The following ASCC1 variants were observed in gnomAD, a reference collection of about 807,000 sequenced individuals.
The protein encoded by ASCC1 is ASC-1 complex subunit P50.
Under a neutral mutation model 46.6 loss-of-function variants are expected in ASCC1, and 35 were observed. The ratio of observed to expected loss-of-function variants is 0.75; its 90% CI spans 0.57 to 0.99. ASCC1 has a LOEUF of 0.99. Among genes scored for constraint, ASCC1 ranks in the 50% least tolerant of loss-of-function variants. ASCC1 has a pLI of 0.00. For synonymous variants in ASCC1, 143 were observed against 146.6 expected, an observed-to-expected ratio of 0.98 and a Z score of 0.18; for missense variants, 376 against 428.7, an observed-to-expected ratio of 0.88 and a Z score of 1.09.
chr10:72,213,590 G>A (rs1311837304), intron 1 of ASCC1, among the ~76,000 whole-genome samples: 1 of 148,748 alleles, frequency 6.7e-6, no homozygotes, highest in Non-Finnish European at 1.5e-5. Context: ...TGATTAAAAG[G>A]CATACACTCT....
In ASCC1 at chr10:72,135,990, GA is replaced by G. The variant is rs528050562; in HGVS notation, c.747-2810del. On this transcript the variant is annotated intron_variant, in intron 7 of 9. Transcript: ENST00000672957. The stretch of plus-strand genomic sequence containing the variant: ...TGGACTCTTACTTGGTAAGCCATAG[GA>G]AACCGAGGGTTGTTTTTTGTTGTTG... Among the ~76,000 whole-genome samples, 9 of 152,268 alleles carry G rather than the reference GA, an allele frequency of 5.9e-5. No individual in the cohort carries two copies. In the East Asian group the frequency reaches 1.7e-3, roughly 29 times the overall value.
At chr10:72,135,222 T>C (rs1846042404) in intron 7 of ASCC1, among the ~76,000 whole-genome samples, 1 of 152,072 alleles carries the variant, frequency 6.6e-6, no homozygotes, top group African/African-American at 2.4e-5. Flanking sequence ...AACACAGCAG[T>C]GAACAAAACA....
At position 72,141,423 on chromosome 10, in the gene ASCC1, A is replaced by G. The variant is rs117954650; in HGVS notation, c.747-8242T>C. 6.0e-3 allele frequency among the ~76,000 whole-genome samples: 921 copies of G among 152,276 alleles called. 3 individuals carry two copies. Among genetic ancestry groups the G allele is most frequent in the Non-Finnish European group, 0.01 (703 of 67,988 alleles). ...GATGACCATTTAGACTGCCGCCAGT[A>G]TTTACTGTTATATACAATACTGTAA... On this transcript the variant is annotated intron_variant, in intron 7 of 9. Coordinates refer to ENST00000672957, the MANE Select transcript of ASCC1 (RefSeq NM_001198800.3).
At position 72,208,619 on chromosome 10, in the gene ASCC1, G is replaced by T. The variant is rs201148836; in HGVS notation, c.212+2113C>A. On this transcript the variant is annotated intron_variant, in intron 3 of 9. Transcript: ENST00000672957. ...TACTAAAAATACAAAAATTAGCCAGGTGTAGTAGTGCAGGCCTGTAGTTCC... is the reference window on the plus strand; with the variant it reads ...TACTAAAAATACAAAAATTAGCCAGTTGTAGTAGTGCAGGCCTGTAGTTCC... 2.0e-5 allele frequency among the ~76,000 whole-genome samples: 3 copies of T among 152,242 alleles called. No individual in the cohort carries two copies. The East Asian group carries it at 5.8e-4, about 29-fold the overall frequency.
chr10:72,169,941 G>A (rs887059181), intron 5 of ASCC1, among the ~76,000 whole-genome samples: 45 of 152,234 alleles, frequency 3.0e-4, no homozygotes, highest in Admixed American at 8.5e-4. Flanking sequence ...CCAACATGGT[G>A]AAACCCCGTC....
At chr10:72,135,463 C>T (rs570090539) in intron 7 of ASCC1, among the ~76,000 whole-genome samples, 8 of 152,244 alleles carry the variant, frequency 5.3e-5, no homozygotes, top group Admixed American at 2.0e-4. Flanking sequence ...ACAGCAAATA[C>T]GCATTTCTGA....
intron 5 of ASCC1, among the ~76,000 whole-genome samples, chr10:72,187,637 G>A (rs1223789813): frequency 1.4e-5 from 2 of 146,440 alleles, no homozygotes; most frequent in Non-Finnish European, 3.0e-5. Flanking sequence ...GGAGAATGGC[G>A]AGAACCCGGG....
intron 6 of ASCC1, among the ~76,000 whole-genome samples, chr10:72,156,034 C>T (rs776586934): frequency 4.6e-5 from 7 of 152,202 alleles, no homozygotes; most frequent in Non-Finnish European, 1.0e-4. Context: ...TTTGTCCCTG[C>T]CCAAGTCTCC....
intron 5 of ASCC1, among the ~76,000 whole-genome samples, chr10:72,172,913 T>C (rs1851398432): frequency 7.3e-6 from 1 of 137,316 alleles, no homozygotes; most frequent in African/African-American, 2.7e-5. Context: ...ATATTATATT[T>C]TTATATTATA....
At chr10:72,111,934 G>A (rs572813288) in intron 9 of ASCC1, among the ~76,000 whole-genome samples, 8 of 152,180 alleles carry the variant, frequency 5.3e-5, no homozygotes, top group Non-Finnish European at 7.4e-5. Flanking sequence ...GAGCCACCAC[G>A]CCAGGCCAAG....
intron 9 of ASCC1, among the ~76,000 whole-genome samples, chr10:72,099,016 G>A (rs1841412854): frequency 6.6e-6 from 1 of 152,154 alleles, no homozygotes; most frequent in African/African-American, 2.4e-5. Flanking sequence ...AGCCTTCTAG[G>A]TACAGAAAAG....
chr10:72,121,427 G>A (rs1020432296), intron 9 of ASCC1, among the ~76,000 whole-genome samples: 1 of 151,740 alleles, frequency 6.6e-6, no homozygotes, highest in African/African-American at 2.4e-5. Context: ...CTACAGGCAT[G>A]AGGCATTGTA....
intron 4 of ASCC1, chr10:72,198,758 C>T (rs1420534471): frequency 4.5e-6 from 2 of 449,400 alleles, no homozygotes; most frequent in Non-Finnish European, 8.9e-6. Context: ...ATTCAATTTA[C>T]TCTAACCAAT....
intron 7 of ASCC1, among the ~76,000 whole-genome samples, chr10:72,137,388 T>C (rs763561728): frequency 1.3e-5 from 2 of 151,080 alleles, no homozygotes; most frequent in Admixed American, 6.6e-5. Flanking sequence ...ATTAGATGGG[T>C]GTGGTGGTGC....
chr10:72,179,064 T>A (rs1023422805), intron 5 of ASCC1, among the ~76,000 whole-genome samples: 10 of 152,138 alleles, frequency 6.6e-5, no homozygotes, highest in African/African-American at 1.9e-4. Context: ...GAAGAGTATA[T>A]GATTTGAATA....
chr10:72,137,238 C>G (rs1364667523), intron 7 of ASCC1, among the ~76,000 whole-genome samples: 1 of 151,256 alleles, frequency 6.6e-6, no homozygotes, highest in African/African-American at 2.4e-5. Context: ...TTTTAAGAAG[C>G]AAGAAACAGG....
At chr10:72,129,031 T>C (rs956150935) in intron 8 of ASCC1, among the ~76,000 whole-genome samples, 2 of 152,182 alleles carry the variant, frequency 1.3e-5, no homozygotes, top group Admixed American at 1.3e-4. Flanking sequence ...TTTACTTTTA[T>C]AAGTAAGGAG....
intron 5 of ASCC1, among the ~76,000 whole-genome samples, chr10:72,167,218 T>C (rs1462003485): frequency 6.6e-6 from 1 of 152,172 alleles, no homozygotes. Flanking sequence ...GTCCACCAAC[T>C]GGTGAATGAA....
intron 5 of ASCC1, among the ~76,000 whole-genome samples, chr10:72,196,245 G>A (rs535576272): frequency 5.3e-5 from 8 of 150,196 alleles, no homozygotes; most frequent in Admixed American, 5.3e-4. Flanking sequence ...GCAGAATAGT[G>A]TGTCTATTAG....
Sources: allele counts gnomAD v4.1 joint callset (sites outside exome capture counted in the v4.1 genomes callset), GRCh38; gene constraint gnomAD v4.1.1; transcripts MANE v1.5; gene names NCBI Gene and HGNC (gene_info 2026-07-23, HGNC 2026-07-21).